CREB3L2: variants seen among roughly 807,000 people sequenced by gnomAD.
CREB3L2 encodes the protein cyclic AMP-responsive element-binding protein 3-like protein 2.
Under a neutral mutation model 57.2 loss-of-function variants are expected in CREB3L2, and 23 were observed. That is an observed-to-expected ratio of 0.40 (90% CI 0.29 to 0.57). CREB3L2 has a LOEUF of 0.57. Ranked by LOEUF, CREB3L2 falls within the 20% of genes least tolerant of loss-of-function variation. The pLI, the probability that CREB3L2 is intolerant of heterozygous loss-of-function variation, is 0.42. For synonymous variants in CREB3L2, 268 were observed against 265.1 expected, an observed-to-expected ratio of 1.01 and a Z score of -0.11; for missense variants, 628 against 634.7, an observed-to-expected ratio of 0.99 and a Z score of 0.11.
intron 5 of CREB3L2, among the ~76,000 whole-genome samples, chr7:137,906,790 G>C (rs578018054): frequency 1.3e-5 from 2 of 152,168 alleles, no homozygotes; most frequent in Non-Finnish European, 2.9e-5. Flanking sequence ...TTAAAAAACA[G>C]GAGTTGCACT....
At chr7:137,998,661 A>G (rs1257176503) in intron 1 of CREB3L2, among the ~76,000 whole-genome samples, 1 of 152,254 alleles carries the variant, frequency 6.6e-6, no homozygotes, top group Non-Finnish European at 1.5e-5. Context: ...AGTAATAAAA[A>G]TGGCTCATTT....
In CREB3L2 at chr7:137,878,645, C is replaced by T. The variant is rs754982006; in HGVS notation, c.*1831G>A. 9 of 233,868 alleles carry T rather than the reference C, an allele frequency of 3.8e-5. No homozygotes were observed. Among genetic ancestry groups the T allele is most frequent in the South Asian group, 1.8e-4 (1 of 5,586 alleles). 14.5% of individuals were successfully genotyped at this position (233,868 alleles called of 1,614,324 possible). A position where few individuals can be genotyped will look rare whatever the true frequency, so the allele number is the denominator to read the frequency against. ...CCAGACAACAGGGCTGCCAGGACTA[C>T]GGGGGCCCGATCCAGCTTCCACTCA... On this transcript the variant is annotated 3_prime_UTR_variant, in exon 12 of 12. Coordinates refer to ENST00000330387, the MANE Select transcript of CREB3L2 (RefSeq NM_194071.4).
At chr7:137,891,736 C>T (rs770507474) in intron 8 of CREB3L2, among the ~76,000 whole-genome samples, 5 of 152,026 alleles carry the variant, frequency 3.3e-5, no homozygotes, top group African/African-American at 1.2e-4. Context: ...CCACCACGCC[C>T]GGCTAATTTT....
At chr7:137,882,364 C>T (rs765646277) in intron 11 of CREB3L2, 48 bp downstream of exon 11, 4 of 1,444,638 alleles carry the variant, frequency 2.8e-6, no homozygotes, top group African/African-American at 1.4e-5. Flanking sequence ...GACTCATAAC[C>T]CACCATCAGT....
chr7:137,891,309 G>C (rs1027925284), intron 8 of CREB3L2, among the ~76,000 whole-genome samples: 2 of 152,130 alleles, frequency 1.3e-5, no homozygotes, highest in Non-Finnish European at 2.9e-5. Context: ...TCCAAGAGTG[G>C]GAGACACAAT....
At chr7:137,968,052 C>G (rs1261905029) in intron 1 of CREB3L2, among the ~76,000 whole-genome samples, 1 of 152,202 alleles carries the variant, frequency 6.6e-6, no homozygotes, top group Non-Finnish European at 1.5e-5. Context: ...ATCACACAGC[C>G]AGTCAGTAAA....
chr7:137,879,460 G>T lies in CREB3L2; in HGVS notation c.*1016C>A, dbSNP rs1232645876. On this transcript the variant is annotated 3_prime_UTR_variant, in exon 12 of 12. Transcript: ENST00000330387. ...CAGGATAGAAAAAGCTTGTGGCCAG[G>T]GAGCCCGGGGCCTGAGTGAGGCATT... 1 of 380,970 alleles carries T rather than the reference G, an allele frequency of 2.6e-6. No homozygotes were observed. Among genetic ancestry groups the T allele is most frequent in the Non-Finnish European group, 4.9e-6 (1 of 202,260 alleles). 23.6% of individuals were successfully genotyped at this position (380,970 alleles called of 1,614,324 possible).
intron 1 of CREB3L2, among the ~76,000 whole-genome samples, chr7:137,967,166 C>T (rs971473183): frequency 3.9e-5 from 6 of 152,230 alleles, no homozygotes; most frequent in African/African-American, 9.6e-5. Context: ...AGGAAGCGGG[C>T]GCTCACCAGA....
rs1415410450 is a variant in CREB3L2 at position 137,940,970 on chromosome 7, G to A, written c.103-12604C>T. ...GATAAGAGCTAAGGGAATCCCGCAG[G>A]TCAGCAAATGGGAGACCAGGAAGGT... On this transcript the variant is annotated intron_variant, in intron 1 of 11. Transcript: ENST00000330387. 2.0e-5 allele frequency among the ~76,000 whole-genome samples: 3 copies of A among 152,322 alleles called. No homozygotes were observed. In the East Asian group the frequency reaches 5.8e-4, roughly 29 times the overall value.
intron 8 of CREB3L2, among the ~76,000 whole-genome samples, chr7:137,894,588 C>T (rs546932749): frequency 2.0e-5 from 3 of 152,196 alleles, no homozygotes; most frequent in African/African-American, 4.8e-5. Flanking sequence ...CCACATAGGC[C>T]CTGGAAATGA....
chr7:137,928,316 G>T lies in CREB3L2; in HGVS notation c.153C>A (p.Leu51=). The part of the protein sequence containing the change: ...DEFSQNVLGQ[L]LNDPFLSEKS... ...TCTCTGAGAGGAAAGGATCATTCAGGAGCTGACCCAAGACGTTCTGGGAAA... is the reference window on the plus strand; with the variant it reads ...TCTCTGAGAGGAAAGGATCATTCAGTAGCTGACCCAAGACGTTCTGGGAAA... Residue 51 remains leucine (L), a synonymous_variant, in exon 2 of 12, where the codon CTC becomes CTA. Transcript: ENST00000330387. 6.2e-7 allele frequency: 1 copy of T among 1,614,160 alleles called. No individual in the cohort carries two copies. The highest frequency in any genetic ancestry group is 8.5e-7 in the Non-Finnish European group (1 of 1,180,030).
At chr7:137,905,929 G>C (rs985324680) in intron 5 of CREB3L2, 81 bp from the exon 6 acceptor site, 1 of 1,347,190 alleles carries the variant, frequency 7.4e-7, no homozygotes, top group African/African-American at 1.5e-5. Context: ...GGGATGATGA[G>C]AATCTGTTAC....
chr7:137,896,517 T>C (rs1225007546), intron 8 of CREB3L2, among the ~76,000 whole-genome samples: 2 of 152,174 alleles, frequency 1.3e-5, no homozygotes, highest in Non-Finnish European at 2.9e-5. Context: ...ATCAGGCTGG[T>C]CTCGAACTCC....
intron 8 of CREB3L2, among the ~76,000 whole-genome samples, chr7:137,887,463 C>A (rs1410049627): frequency 1.3e-5 from 2 of 152,294 alleles, no homozygotes; most frequent in East Asian, 1.9e-4. Context: ...AATCCCAACA[C>A]TTTGGGAGGC....
intron 1 of CREB3L2, among the ~76,000 whole-genome samples, chr7:137,942,356 C>T (rs1465637693): frequency 1.3e-5 from 2 of 152,166 alleles, no homozygotes; most frequent in African/African-American, 4.8e-5. Flanking sequence ...ATCCTTCTGC[C>T]CTCAGGCGGA....
At chr7:137,921,764 C>G (rs1419364252) in intron 2 of CREB3L2, among the ~76,000 whole-genome samples, 1 of 152,146 alleles carries the variant, frequency 6.6e-6, no homozygotes, top group African/African-American at 2.4e-5. Context: ...CCTTTTATTC[C>G]TAAGCACAGT....
intron 8 of CREB3L2, among the ~76,000 whole-genome samples, chr7:137,896,182 A>G (rs957994537): frequency 6.6e-6 from 1 of 152,244 alleles, no homozygotes; most frequent in African/African-American, 2.4e-5. Flanking sequence ...CCCTCGGCAG[A>G]AAACAAAGAG....
chr7:137,968,978 A>C (rs377542204), intron 1 of CREB3L2, among the ~76,000 whole-genome samples: 2 of 152,184 alleles, frequency 1.3e-5, no homozygotes, highest in African/African-American at 4.8e-5. Context: ...TCAAGGAAAA[A>C]AGTGGATCAG....
At position 137,976,436 on chromosome 7, in the gene CREB3L2, A is replaced by T. The variant is rs148503805; in HGVS notation, c.102+25168T>A. Among the ~76,000 whole-genome samples, 507 of 151,180 alleles carry T rather than the reference A, an allele frequency of 3.4e-3. 6 individuals carry two copies. Among genetic ancestry groups the T allele is most frequent in the African/African-American group, 0.011 (461 of 40,678 alleles). On this transcript the variant is annotated intron_variant, in intron 1 of 11. Transcript: ENST00000330387. ...TCAAACCTGGCTGCATATTACAATC[A>T]TCTGGAGAAGTGGTTATGTTTGTTT...
Sources: gnomAD v4.1 joint callset for allele counts (sites outside exome capture counted in the v4.1 genomes callset) on GRCh38, gnomAD v4.1.1 for gene constraint, MANE v1.5 for transcripts, NCBI Gene and HGNC (gene_info 2026-07-23, HGNC 2026-07-21) for gene names.